Variants in PDE4D observed in about 807,000 individuals in gnomAD.
The protein encoded by PDE4D is phosphodiesterase 4D.
Under a neutral mutation model 87.4 loss-of-function variants are expected in PDE4D, and 24 were observed. That is an observed-to-expected ratio of 0.27 (90% CI 0.20 to 0.39). The LOEUF (loss-of-function observed/expected upper bound fraction) is 0.39. PDE4D is among the 10% of genes least tolerant of loss of function. The pLI, the probability that PDE4D is intolerant of heterozygous loss-of-function variation, is 1.00. For missense variants in PDE4D, 714 were observed against 1,041.0 expected, an observed-to-expected ratio of 0.69 and a Z score of 4.32; for synonymous variants, 384 against 383.2, an observed-to-expected ratio of 1.00 and a Z score of -0.02.
At chr5:59,092,342 A>G (rs1009957324) in intron 5 of PDE4D, among the ~76,000 whole-genome samples, 1 of 152,196 alleles carries the variant, frequency 6.6e-6, no homozygotes, top group African/African-American at 2.4e-5. Flanking sequence ...GTAAGAGTAC[A>G]GAATTCAAAT....
intron 5 of PDE4D, among the ~76,000 whole-genome samples, chr5:59,054,906 A>T (rs955517361): frequency 4.6e-5 from 7 of 152,176 alleles, no homozygotes; most frequent in Non-Finnish European, 4.4e-5. Flanking sequence ...TTTTATAATT[A>T]AAAAACTCTC....
intron 1 of PDE4D, among the ~76,000 whole-genome samples, chr5:59,485,453 G>C (rs1266732151): frequency 6.6e-6 from 1 of 152,062 alleles, no homozygotes; most frequent in African/African-American, 2.4e-5. Flanking sequence ...GGATACAAAA[G>C]TCTGGATTGA....
rs1756973578 is a variant in PDE4D at position 59,029,676 on chromosome 5, AAT to A, written c.921+9181_921+9182del. 3.9e-5 allele frequency among the ~76,000 whole-genome samples: 6 copies of A among 152,072 alleles called. No individual in the cohort carries two copies. The South Asian group carries it at 1.2e-3, about 32-fold the overall frequency. On this transcript the variant is annotated intron_variant, in intron 6 of 14. Coordinates refer to ENST00000340635, the MANE Select transcript of PDE4D (RefSeq NM_001104631.2). ...TTCCAATGTCTTTTTTTTTCACAGA[AAT>A]AGAGAAAAAAATCTTAAAATTTATA...
At position 60,066,777 on chromosome 5, in the gene PDE4D, T is replaced by C. The variant is rs1012298129; in HGVS notation, c.43-78060A>G. Among the ~76,000 whole-genome samples the C allele has an allele frequency of 2.0e-5, 3 of 152,238 alleles. No homozygotes were observed. In the East Asian group the frequency reaches 5.8e-4, roughly 29 times the overall value. On this transcript the variant is annotated intron_variant, in intron 2 of 16. Coordinates refer to the PDE4D transcript ENST00000502484. ...TTTTAACTAATCTCATTTGTTTCCATATATGCCGATGTGCATTGTTTTCTC... is the reference window on the plus strand; with the variant it reads ...TTTTAACTAATCTCATTTGTTTCCACATATGCCGATGTGCATTGTTTTCTC...
intron 1 of PDE4D, among the ~76,000 whole-genome samples, chr5:59,785,280 T>C (rs1765056076): frequency 6.6e-6 from 1 of 152,224 alleles, no homozygotes; most frequent in South Asian, 2.1e-4. Context: ...TATTCCCAAT[T>C]TTGAGTAAAC....
intron 1 of PDE4D, among the ~76,000 whole-genome samples, chr5:59,323,147 G>A (rs1190535149): frequency 6.6e-6 from 1 of 152,052 alleles, no homozygotes; most frequent in Non-Finnish European, 1.5e-5. Flanking sequence ...GCTTCATGTA[G>A]TGTACAGTGC....
intron 1 of PDE4D, among the ~76,000 whole-genome samples, chr5:59,246,903 T>C (rs1312402385): frequency 6.6e-6 from 1 of 151,110 alleles, no homozygotes. Context: ...CACAGATACA[T>C]TATCACAGTG....
intron 1 of PDE4D, among the ~76,000 whole-genome samples, chr5:59,881,218 G>A (rs1027049557): frequency 7.2e-5 from 11 of 152,092 alleles, no homozygotes; most frequent in Admixed American, 7.2e-4. Flanking sequence ...TTTTATATAT[G>A]TTTAAACCAA....
At chr5:59,889,349 T>A (rs935119919) in intron 1 of PDE4D, among the ~76,000 whole-genome samples, 1 of 151,350 alleles carries the variant, frequency 6.6e-6, no homozygotes, top group Non-Finnish European at 1.5e-5. Context: ...GGCATGGTGG[T>A]TCATGACAGT....
At chr5:60,138,047 T>A (rs1780201279) in intron 2 of PDE4D, among the ~76,000 whole-genome samples, 1 of 152,192 alleles carries the variant, frequency 6.6e-6, no homozygotes, top group Non-Finnish European at 1.5e-5. Flanking sequence ...AGGGAATGAT[T>A]TCCCCATTGC....
chr5:60,142,912 G>A (rs1780664083), intron 2 of PDE4D, among the ~76,000 whole-genome samples: 1 of 151,850 alleles, frequency 6.6e-6, no homozygotes, highest in Non-Finnish European at 1.5e-5. Context: ...AAATGATGAA[G>A]GTGTGAAAGA....
chr5:59,479,360 T>C (rs890994574), intron 1 of PDE4D, among the ~76,000 whole-genome samples: 2 of 152,104 alleles, frequency 1.3e-5, no homozygotes, highest in Non-Finnish European at 2.9e-5. Context: ...TTACTAGCTA[T>C]GGTTAACCCT....
At chr5:59,326,713 C>G (rs1775737174) in intron 1 of PDE4D, among the ~76,000 whole-genome samples, 1 of 151,228 alleles carries the variant, frequency 6.6e-6, no homozygotes, top group Admixed American at 6.6e-5. Flanking sequence ...TGTGTAATCT[C>G]TAAAACACAT....
chr5:60,269,787 T>C (rs1394519206), intron 1 of PDE4D, among the ~76,000 whole-genome samples: 2 of 152,240 alleles, frequency 1.3e-5, no homozygotes, highest in Non-Finnish European at 2.9e-5. Context: ...AATGTATACA[T>C]GTATTACAAC....
intron 5 of PDE4D, among the ~76,000 whole-genome samples, chr5:59,162,312 A>G (rs1781222752): frequency 6.6e-6 from 1 of 152,126 alleles, no homozygotes; most frequent in East Asian, 1.9e-4. Flanking sequence ...CCAACTCCTC[A>G]AGAAGAGCTA....
At chr5:59,824,021 A>T (rs766009846) in intron 1 of PDE4D, among the ~76,000 whole-genome samples, 40 of 151,724 alleles carry the variant, frequency 2.6e-4, no homozygotes, top group Admixed American at 6.6e-4. Context: ...TCACTGTGGG[A>T]AAACATCTTG....
At chr5:59,196,733 C>T (rs368721879) in intron 2 of PDE4D, among the ~76,000 whole-genome samples, 70 of 151,698 alleles carry the variant, frequency 4.6e-4, no homozygotes, top group East Asian at 2.5e-3. Context: ...GTTAGAAGTC[C>T]GAAGACAAAA....
chr5:59,187,470 G>A (rs1743180841), intron 3 of PDE4D, among the ~76,000 whole-genome samples: 1 of 152,092 alleles, frequency 6.6e-6, no homozygotes. Flanking sequence ...ACACTCAGGG[G>A]ACATTAAAAT....
intron 3 of PDE4D, among the ~76,000 whole-genome samples, chr5:59,985,430 T>G (rs1762359633): frequency 2.0e-5 from 3 of 151,972 alleles, no homozygotes; most frequent in Admixed American, 2.0e-4. Context: ...CGTGAGCCAC[T>G]GCACCTGGCC....
Sources: allele counts gnomAD v4.1 joint callset (sites outside exome capture counted in the v4.1 genomes callset), GRCh38; gene constraint gnomAD v4.1.1; transcripts MANE v1.5; gene names NCBI Gene and HGNC (gene_info 2026-07-23, HGNC 2026-07-21).